POU6F1: variants seen among roughly 807,000 people sequenced by gnomAD.
POU6F1 encodes the protein POU class 6 homeobox 1.
Under a neutral mutation model 28.9 loss-of-function variants are expected in POU6F1, and 9 were observed. That is an observed-to-expected ratio of 0.31 (90% CI 0.19 to 0.54). The LOEUF (loss-of-function observed/expected upper bound fraction) is 0.54, where lower values mean the gene tolerates loss of function less well. Ranked by LOEUF, POU6F1 falls within the 20% of genes least tolerant of loss-of-function variation. The pLI is 0.94. For missense variants in POU6F1, 338 were observed against 426.1 expected (o/e 0.79, Z 1.82); for synonymous variants, 173 against 171.1 (o/e 1.01, Z -0.09).
At chr12:51,194,361 C>T (rs1942661689) in intron 8 of POU6F1, among the ~76,000 whole-genome samples, 1 of 152,118 alleles carries the variant, frequency 6.6e-6, no homozygotes, top group South Asian at 2.1e-4. Context: ...CATCTCTCAG[C>T]TGGGCACGGT....
intron 3 of POU6F1, chr12:51,202,480 ACG>A (rs1359379752): frequency 6.6e-6 from 1 of 152,100 alleles, no homozygotes; most frequent in Non-Finnish European, 1.5e-5. Context: ...GTGTGCCACC[ACG>A]CCCGGCTAAT....
intron 1 of POU6F1, among the ~76,000 whole-genome samples, chr12:51,211,131 G>C (rs1943958054): frequency 6.6e-6 from 1 of 152,202 alleles, no homozygotes; most frequent in South Asian, 2.1e-4. Context: ...TAGCACATCT[G>C]GATGGCCTCC....
At chr12:51,200,555 T>TG (rs1943141649) in intron 3 of POU6F1, among the ~76,000 whole-genome samples, 1 of 152,194 alleles carries the variant, frequency 6.6e-6, no homozygotes. Flanking sequence ...ACACACGTAC[T>TG]GGGGTACCCC....
At chr12:51,216,601 C>T (rs1383896334) in intron 1 of POU6F1, among the ~76,000 whole-genome samples, 1 of 152,152 alleles carries the variant, frequency 6.6e-6, no homozygotes, top group Non-Finnish European at 1.5e-5. Flanking sequence ...AGGACCAGGA[C>T]TTGAATGAAA....
At position 51,204,234 on chromosome 12, in the gene POU6F1, T is replaced by C; in HGVS notation, c.183A>G (p.Glu61=). Residue 61 remains glutamate, a synonymous_variant, in exon 3 of 11, where the codon GAA becomes GAG. Transcript: ENST00000333640. ...AEGSQSGDPA[E]ASQAAGEAGP... Reference sequence around the variant, plus strand: ...CAGCTTCACCAGCAGCTTGACTGGCTTCAGCAGGGTCTCCGCTCTGGGAGC... The same window carrying C: ...CAGCTTCACCAGCAGCTTGACTGGCCTCAGCAGGGTCTCCGCTCTGGGAGC... 2.5e-6 allele frequency: 1 copy of C among 399,178 alleles called. No individual in the cohort carries two copies. Among genetic ancestry groups the C allele is most frequent in the East Asian group, 3.6e-5 (1 of 28,074 alleles). 24.7% of individuals were successfully genotyped at this position (399,178 alleles called of 1,614,324 possible).
At chr12:51,191,863 G>T in intron 9 of POU6F1, 99 bp from the exon 10 acceptor site, 1 of 1,430,956 alleles carries the variant, frequency 7.0e-7, no homozygotes, top group Non-Finnish European at 9.7e-7. Context: ...TGAGAGGTGA[G>T]GACACCTGGG....
chr12:51,195,985 G>C lies in POU6F1; in HGVS notation c.1164C>G (p.Ser388=). 1 of 1,604,566 alleles carries C rather than the reference G, an allele frequency of 6.2e-7. No individual in the cohort carries two copies. The highest frequency in any genetic ancestry group is 1.1e-5 in the South Asian group (1 of 89,802). ...GCCCCTGTACCTCACTCTTAGCAGG[G>C]GACTCAGGTGTGCTTGGCTTCCGGA... ...VAVRKPSTPE[S]PAKSEVQPIQ... Residue 388 remains serine (S), a synonymous_variant, in exon 8 of 11, where the codon TCC becomes TCG. Coordinates refer to ENST00000333640, the MANE Select transcript of POU6F1 (RefSeq NM_001330422.2).
intron 6 of POU6F1, among the ~76,000 whole-genome samples, chr12:51,197,501 A>G (rs1479807759): frequency 6.6e-6 from 1 of 152,064 alleles, no homozygotes; most frequent in African/African-American, 2.4e-5. Flanking sequence ...CAACCCCCAG[A>G]CGTCATCCCA....
chr12:51,193,369 G>A (rs1422711474), intron 8 of POU6F1, among the ~76,000 whole-genome samples: 15 of 152,220 alleles, frequency 9.9e-5, no homozygotes, highest in Admixed American at 9.8e-4. Flanking sequence ...GAAGTCAGGA[G>A]TTCAAGACCA....
chr12:51,214,692 C>T (rs1944196174), intron 1 of POU6F1, among the ~76,000 whole-genome samples: 2 of 152,160 alleles, frequency 1.3e-5, no homozygotes, highest in Admixed American at 6.5e-5. Flanking sequence ...AATCCCAGCA[C>T]TTTGGGAGGC....
At chr12:51,204,482 C>G (rs2137174676) in intron 2 of POU6F1, 114 bp from the exon 3 acceptor site, 1 of 397,400 alleles carries the variant, frequency 2.5e-6, no homozygotes, top group East Asian at 3.6e-5. Context: ...TGCAGACCTC[C>G]TGTCCAGAGG....
At chr12:51,191,809 C>T (rs756250358) in intron 9 of POU6F1, 45 bp from the exon 10 acceptor site, 1 of 1,605,758 alleles carries the variant, frequency 6.2e-7, no homozygotes, top group Non-Finnish European at 8.5e-7. Context: ...AACATGGGAA[C>T]CATCCCTGCT....
At position 51,188,197 on chromosome 12, in the gene POU6F1, G is replaced by C. The variant is rs1942153437; in HGVS notation, c.*2050C>G. The C allele has an allele frequency of 6.6e-6, 1 of 152,266 alleles. No homozygotes were observed. The highest frequency in any genetic ancestry group is 2.4e-5 in the African/African-American group (1 of 41,462). 9.4% of individuals were successfully genotyped at this position (152,266 alleles called of 1,614,324 possible). A position where few individuals can be genotyped will look rare whatever the true frequency, so the allele number is the denominator to read the frequency against. The stretch of plus-strand genomic sequence containing the variant: ...CCCACCTCGGCCTTCCAAAGTGTTG[G>C]AATTACAGGCATAAGCCAATGTGCC... On this transcript the variant is annotated 3_prime_UTR_variant, in exon 11 of 11. Coordinates refer to ENST00000333640, the MANE Select transcript of POU6F1 (RefSeq NM_001330422.2).
chr12:51,214,530 C>A (rs2137242363), intron 1 of POU6F1, among the ~76,000 whole-genome samples: 2 of 152,256 alleles, frequency 1.3e-5, no homozygotes, highest in Admixed American at 1.3e-4. Flanking sequence ...CGACGCCTGT[C>A]CCCACACCCT....
Position 51,190,692 on chromosome 12 carries a change from C to T in POU6F1, c.1491-100G>A. 1 of 1,508,088 alleles carries T rather than the reference C, an allele frequency of 6.6e-7. No homozygotes were observed. Among genetic ancestry groups the T allele is most frequent in the Non-Finnish European group, 8.8e-7 (1 of 1,130,864 alleles). The allele number at this position is 1,508,088 out of a possible 1,614,324, so 93.4% of individuals were successfully genotyped here. ...AGGCTCCATCCTCAAGGGGCCGCTC[C>T]TCTAGGGGCTGGTGAGACTGTACCC... is the stretch of plus-strand genomic sequence containing the variant. On this transcript the variant is annotated intron_variant, in intron 10 of 10. Coordinates refer to ENST00000333640, the MANE Select transcript of POU6F1 (RefSeq NM_001330422.2). This position sits in a 1 kb window ranked among gnomAD's most constrained non-coding sequence, Gnocchi z 4.5.
At chr12:51,208,110 C>CAAAA (rs11316062) in intron 1 of POU6F1, among the ~76,000 whole-genome samples, 1 of 136,514 alleles carries the variant, frequency 7.3e-6, no homozygotes, top group African/African-American at 2.7e-5. Context: ...CTGTCTGTAC[C>CAAAA]AAAAAAAAAA....
intron 5 of POU6F1, 132 bp from the exon 6 acceptor site, chr12:51,198,155 T>C (rs1427298311): frequency 5.0e-6 from 2 of 397,344 alleles, no homozygotes; most frequent in East Asian, 3.6e-5. Flanking sequence ...GCAGCCACGA[T>C]TCCCTTGATC....
chr12:51,216,815 G>A (rs1445807446), intron 1 of POU6F1, among the ~76,000 whole-genome samples: 1 of 152,082 alleles, frequency 6.6e-6, no homozygotes, highest in Non-Finnish European at 1.5e-5. Context: ...AATGCTTCCC[G>A]AACTCTTCTG....
At chr12:51,195,833 G>A in intron 8 of POU6F1, 137 bp downstream of exon 8, 2 of 1,017,000 alleles carry the variant, frequency 2.0e-6, no homozygotes, top group Non-Finnish European at 2.8e-6. Flanking sequence ...TCTACTCTGG[G>A]ACCTCCCCCA....
Sources: allele counts gnomAD v4.1 joint callset (sites outside exome capture counted in the v4.1 genomes callset), GRCh38; gene constraint gnomAD v4.1.1; non-coding constraint Gnocchi (gnomAD v3.1); transcripts MANE v1.5; gene names NCBI Gene and HGNC (gene_info 2026-07-23, HGNC 2026-07-21).